The following SPTBN5 variants were observed in gnomAD, a reference collection of about 807,000 sequenced individuals.
SPTBN5 encodes the protein spectrin beta chain, non-erythrocytic 5.
SPTBN5 carries 513 observed loss-of-function variants against 477.6 expected under a neutral mutation model. The ratio of observed to expected loss-of-function variants is 1.07; its 90% CI spans 1.00 to 1.16. The LOEUF is 1.16. Ranked by LOEUF, SPTBN5 falls within the 50% of genes most tolerant of loss-of-function variation. The probability of loss-of-function intolerance (pLI) is 0.00; values close to 1 mark genes in which losing one functional copy is unlikely to be tolerated. For missense variants in SPTBN5, 5,062 were observed against 4,731.8 expected (o/e 1.07, Z -2.05); for synonymous variants, 2,169 against 2,011.7 (o/e 1.08, Z -2.09).
At position 41,882,985 on chromosome 15, in the gene SPTBN5, C is replaced by T. The variant is rs1261926294; in HGVS notation, c.1892+11G>A. On this transcript the variant is annotated intron_variant, in intron 9 of 67. Transcript: ENST00000320955. ...TCTGGGAAAGGTGGAAGAGTTGGGG[C>T]AGGCTCTTACCGGGCCCTGACAAGA... The T allele has an allele frequency of 1.3e-6, 2 of 1,531,894 alleles. No homozygotes were observed. The highest frequency in any genetic ancestry group is 4.9e-5 in the East Asian group (2 of 40,816). The allele number at this position is 1,531,894 out of a possible 1,614,324, so 94.9% of individuals were successfully genotyped here.
In SPTBN5 at chr15:41,871,735, T is replaced by C. The variant is rs746816734; in HGVS notation, c.5301+47A>G. 2.7e-6 allele frequency: 4 copies of C among 1,481,148 alleles called. No homozygotes were observed. The African/African-American group carries it at 5.6e-5, about 21-fold the overall frequency. 91.8% of individuals were successfully genotyped at this position (1,481,148 alleles called of 1,614,324 possible). ...CGCCAGAGCCAGCTTCCCCACCCCATAGGCTCTGCCTCAGGGCACCCTCCT... is the reference window on the plus strand; with the variant it reads ...CGCCAGAGCCAGCTTCCCCACCCCACAGGCTCTGCCTCAGGGCACCCTCCT... On this transcript the variant is annotated intron_variant, in intron 28 of 67. Transcript: ENST00000320955.
chr15:41,868,072 C>T lies in SPTBN5; in HGVS notation c.6204G>A (p.Gln2068=), dbSNP rs777332454. 1.1e-5 allele frequency: 17 copies of T among 1,600,218 alleles called. No individual in the cohort carries two copies. Among genetic ancestry groups the T allele is most frequent in the East Asian group, 6.7e-5 (3 of 44,740 alleles). ...GTGAGGGCGGGAGGGGACCTGCCTC[C>T]TGGGCCGCGAGGATCTCCTCCAGGC... The part of the protein sequence containing the change: ...CGRLEEILAA[Q]EVSLKTSALG... The change falls in exon 34 of 68, where the codon CAG becomes CAA. Residue 2068 remains glutamine, a synonymous_variant. Coordinates refer to ENST00000320955, the MANE Select transcript of SPTBN5 (RefSeq NM_016642.4).
At chr15:41,852,351 G>A (rs1185534410) in intron 61 of SPTBN5, 35 bp from the exon 62 acceptor site, 3 of 1,528,982 alleles carry the variant, frequency 2.0e-6, no homozygotes, top group Non-Finnish European at 2.7e-6. Context: ...AGGTGAGCCA[G>A]GTCAGGGAGA....
Position 41,880,937 on chromosome 15 carries a change from G to A in SPTBN5, c.2658+97C>T, listed in dbSNP as rs974829221. ...CATGATAAAAGCTCCTTGAGGACAGGGAACATGTCAGTCACTGCCTTGTCC... is the reference window on the plus strand; with the variant it reads ...CATGATAAAAGCTCCTTGAGGACAGAGAACATGTCAGTCACTGCCTTGTCC... On this transcript the variant is annotated intron_variant, in intron 13 of 67. Transcript: ENST00000320955. The A allele has an allele frequency of 7.4e-6, 8 of 1,086,164 alleles. No homozygotes were observed. The East Asian group carries it at 1.3e-4, about 18-fold the overall frequency. 67.3% of individuals were successfully genotyped at this position (1,086,164 alleles called of 1,614,324 possible). A position where few individuals can be genotyped will look rare whatever the true frequency, so the allele number is the denominator to read the frequency against.
Position 41,882,433 on chromosome 15 carries a change from A to T in SPTBN5, c.2083T>A (p.Cys695Ser). The T allele has an allele frequency of 1.3e-6, 2 of 1,549,678 alleles. No individual in the cohort carries two copies. The highest frequency in any genetic ancestry group is 1.7e-6 in the Non-Finnish European group (2 of 1,154,404). ...CGTCCCCTCCGCACGAGATCTACGC[A>T]CACGGCCTGGTGGCGGTGGACCTCA... ...EAEVHRHQAVCVDLVRRGRDL... is the reference protein window; with the variant it reads ...EAEVHRHQAVSVDLVRRGRDL... The change falls in exon 11 of 68, where the codon TGC (cysteine) becomes AGC (serine). Residue 695 changes from cysteine (C) to serine (S), a missense_variant. Cys to Ser is a moderately radical substitution (Grantham distance 112). Transcript: ENST00000320955.
At position 41,880,161 on chromosome 15, in the gene SPTBN5, T is replaced by C; in HGVS notation, c.2810A>G (p.Glu937Gly). The change falls in exon 14 of 68, where the codon GAG becomes GGG. Residue 937 changes from glutamate (E) to glycine (G), a missense_variant and splice_region_variant. Transcript: ENST00000320955. ...DTLEVMQLKYENFLTALAVGK... is the reference protein window; with the variant it reads ...DTLEVMQLKYGNFLTALAVGK... ...GGTGCCAAGCTCCCAGGGCTGTACC[T>C]CATATTTGAGCTGCATGACCTCCAG... The C allele has an allele frequency of 6.3e-7, 1 of 1,596,022 alleles. No homozygotes were observed. Among genetic ancestry groups the C allele is most frequent in the Non-Finnish European group, 8.5e-7 (1 of 1,171,810 alleles).
At position 41,882,432 on chromosome 15, in the gene SPTBN5, C is replaced by T; in HGVS notation, c.2084G>A (p.Cys695Tyr). ...GCGTCCCCTCCGCACGAGATCTACGCACACGGCCTGGTGGCGGTGGACCTC... is the reference window on the plus strand; with the variant it reads ...GCGTCCCCTCCGCACGAGATCTACGTACACGGCCTGGTGGCGGTGGACCTC... ...EAEVHRHQAV[C>Y]VDLVRRGRDL... is the part of the protein sequence containing the mutation. Residue 695 changes from cysteine to tyrosine, a missense_variant, in exon 11 of 68, where the codon TGC becomes TAC. Coordinates refer to ENST00000320955, the MANE Select transcript of SPTBN5 (RefSeq NM_016642.4). 6.5e-7 allele frequency: 1 copy of T among 1,549,582 alleles called. No individual in the cohort carries two copies. Among genetic ancestry groups the T allele is most frequent in the Non-Finnish European group, 8.7e-7 (1 of 1,154,372 alleles).
chr15:41,851,865 T>C lies in SPTBN5; in HGVS notation c.10585-15A>G, dbSNP rs1188920884. 5 of 1,605,284 alleles carry C rather than the reference T, an allele frequency of 3.1e-6. No individual in the cohort carries two copies. Among genetic ancestry groups the C allele is most frequent in the African/African-American group, 1.3e-5 (1 of 74,672 alleles). On this transcript the variant is annotated splice_polypyrimidine_tract_variant and intron_variant, in intron 62 of 67. Coordinates refer to ENST00000320955, the MANE Select transcript of SPTBN5 (RefSeq NM_016642.4). Reference sequence around the variant, plus strand: ...CCCTTTGCATCCTGAAAATGCAAGATGGGGCCCAGAAATGTCAGGACCAGC... The same window carrying C: ...CCCTTTGCATCCTGAAAATGCAAGACGGGGCCCAGAAATGTCAGGACCAGC...
At position 41,861,884 on chromosome 15, in the gene SPTBN5, G is replaced by C. The variant is rs749092399; in HGVS notation, c.7588C>G (p.Arg2530Gly). The C allele has an allele frequency of 4.4e-6, 7 of 1,608,000 alleles. No homozygotes were observed. Among genetic ancestry groups the C allele is most frequent in the South Asian group, 1.1e-5 (1 of 90,562 alleles). ...GTGAGCAGTTGCTGCCCAGTGCTTC[G>C]GGCCAGGCTGATGCTGTCTGTCCAG... Reference protein sequence around the residue: ...DSWTDSISLARSTGQQLLTAG... With the variant: ...DSWTDSISLAGSTGQQLLTAG... Residue 2530 changes from arginine to glycine, a missense_variant, in exon 45 of 68, where the codon CGA becomes GGA. Arg to Gly is a moderately radical substitution (Grantham distance 125). Transcript: ENST00000320955.
intron 22 of SPTBN5, 55 bp from the exon 23 acceptor site, chr15:41,875,111 G>A: frequency 6.7e-7 from 1 of 1,493,660 alleles, no homozygotes; most frequent in Non-Finnish European, 9.1e-7. Flanking sequence ...ACAGCAAGTG[G>A]CCTTCCCGGG....
rs2065724791 is a variant in SPTBN5, at chr15:41,850,742, G to A, written c.10921+112C>T. Reference sequence around the variant, plus strand: ...AAACAGTAAGTCCCACTTCTTGGAGGTTAGAGATGCTAACTGTGAAACCTC... The same window carrying A: ...AAACAGTAAGTCCCACTTCTTGGAGATTAGAGATGCTAACTGTGAAACCTC... On this transcript the variant is annotated intron_variant, in intron 66 of 67. Transcript: ENST00000320955. The A allele has an allele frequency of 1.1e-4, 98 of 915,912 alleles. 1 individual carries two copies. The South Asian group carries it at 1.7e-3, about 15-fold the overall frequency. The allele number at this position is 915,912 out of a possible 1,614,324, so 56.7% of individuals were successfully genotyped here. A position where few individuals can be genotyped will look rare whatever the true frequency, so the allele number is the denominator to read the frequency against.
Position 41,878,544 on chromosome 15 carries a change from G to T in SPTBN5, c.3268C>A (p.Gln1090Lys), listed in dbSNP as rs531502044. Reference protein sequence around the residue: ...LQGLLKQVQEQVAQRARRQAE... With the variant: ...LQGLLKQVQEKVAQRARRQAE... ...TGGCGCCGGGCCCGTTGGGCCACTT[G>T]TTCCTGTACTTGCTTCAGCAGCCCC... Residue 1090 changes from glutamine (Q) to lysine (K), a missense_variant, in exon 17 of 68, where the codon CAA becomes AAA. By Grantham distance (53) the Gln-to-Lys change is moderately conservative. Transcript: ENST00000320955. 6.2e-7 allele frequency: 1 copy of T among 1,612,964 alleles called. No individual in the cohort carries two copies. The highest frequency in any genetic ancestry group is 8.5e-7 in the Non-Finnish European group (1 of 1,179,754).
intron 3 of SPTBN5, among the ~76,000 whole-genome samples, chr15:41,891,776 ATCCC>A (rs1295216711): frequency 1.3e-5 from 2 of 152,186 alleles, no homozygotes; most frequent in African/African-American, 4.8e-5. Flanking sequence ...AAGCGAATGC[ATCCC>A]TCATTCTGCC....
intron 32 of SPTBN5, 94 bp downstream of exon 32, chr15:41,869,747 C>A: frequency 7.8e-7 from 1 of 1,284,354 alleles, no homozygotes. Context: ...CTTGTTCTCC[C>A]TCCGGAGCTG....
At position 41,867,529 on chromosome 15, in the gene SPTBN5, C is replaced by A; in HGVS notation, c.6312+9G>T. 1 of 1,613,334 alleles carries A rather than the reference C, an allele frequency of 6.2e-7. No homozygotes were observed. Among genetic ancestry groups the A allele is most frequent in the Non-Finnish European group, 8.5e-7 (1 of 1,179,434 alleles). ...CTCTGACCACGCCCAGGCCTCCTGA[C>A]TCCATTACCTTCTTGTCCTGGGCAG... On this transcript the variant is annotated intron_variant, in intron 35 of 67. Coordinates refer to ENST00000320955, the MANE Select transcript of SPTBN5 (RefSeq NM_016642.4).
In SPTBN5 at chr15:41,855,691, C is replaced by A; in HGVS notation, c.9076G>T (p.Asp3026Tyr). 1 of 1,602,010 alleles carries A rather than the reference C, an allele frequency of 6.2e-7. No homozygotes were observed. Among genetic ancestry groups the A allele is most frequent in the African/African-American group, 1.3e-5 (1 of 74,922 alleles). The change falls in exon 54 of 68, where the codon GAC becomes TAC. Residue 3026 changes from aspartate to tyrosine, a missense_variant. Asp to Tyr is a radical substitution (Grantham distance 160). Transcript: ENST00000320955. Reference sequence around the variant, plus strand: ...GTGGCTTCAGCACTGTGGCCCATGTCCTCGCTGTCCAGGACATGGCCCCGC... The same window carrying A: ...GTGGCTTCAGCACTGTGGCCCATGTACTCGCTGTCCAGGACATGGCCCCGC... Reference protein sequence around the residue: ...AERGHVLDSEDMGHSAEATQA... With the variant: ...AERGHVLDSEYMGHSAEATQA...
At position 41,868,528 on chromosome 15, in the gene SPTBN5, C is replaced by T. The variant is rs1480333012; in HGVS notation, c.5927G>A (p.Ser1976Asn). 1 of 1,608,414 alleles carries T rather than the reference C, an allele frequency of 6.2e-7. No individual in the cohort carries two copies. The highest frequency in any genetic ancestry group is 8.5e-7 in the Non-Finnish European group (1 of 1,179,720). ...GGCACTGAGCTTCAGCGGGCCACTG[C>T]TAGGCTCTTGCGAACTCTCCTCCAC... ...LQVEESSQEPSSGPLKLSAHQ... is the reference protein window; with the variant it reads ...LQVEESSQEPNSGPLKLSAHQ... The change falls in exon 33 of 68, where the codon AGC becomes AAC. Residue 1976 changes from serine to asparagine, a missense_variant. Physicochemically the swap from Ser to Asn is conservative, Grantham distance 46. Transcript: ENST00000320955.
rs1425441344 is a variant in SPTBN5, at chr15:41,852,624, C to T, written c.10449+10G>A. On this transcript the variant is annotated intron_variant, in intron 61 of 67. Coordinates refer to ENST00000320955, the MANE Select transcript of SPTBN5 (RefSeq NM_016642.4). ...ACCAGCCCTCAGCCCCTAGCCGAGG[C>T]AGTCGTCACCTCTGTCTTTTGCATT... is the stretch of plus-strand genomic sequence containing the variant. The T allele has an allele frequency of 1.2e-6, 2 of 1,613,072 alleles. No homozygotes were observed. Among genetic ancestry groups the T allele is most frequent in the African/African-American group, 1.3e-5 (1 of 75,066 alleles).
rs184705083 is a variant in SPTBN5 at position 41,893,199 on chromosome 15, C to T, written c.216+83G>A. 71 of 1,593,396 alleles carry T rather than the reference C, an allele frequency of 4.5e-5. No individual in the cohort carries two copies. The Admixed American group carries it at 8.8e-4, about 20-fold the overall frequency. Reference sequence around the variant, plus strand: ...CTCAGCTTGGCCTCAGGCAGATGACCCCACAGCTCACCCCGGAGGCCCACT... The same window carrying T: ...CTCAGCTTGGCCTCAGGCAGATGACTCCACAGCTCACCCCGGAGGCCCACT... On this transcript the variant is annotated intron_variant, in intron 2 of 67. Transcript: ENST00000320955.
Sources: allele counts gnomAD v4.1 joint callset (sites outside exome capture counted in the v4.1 genomes callset), GRCh38; gene constraint gnomAD v4.1.1; transcripts MANE v1.5; gene names NCBI Gene and HGNC (gene_info 2026-07-23, HGNC 2026-07-21).